Variants in CRYBG1 observed in about 807,000 individuals in gnomAD.
CRYBG1 encodes the protein crystallin beta-gamma domain containing 1, also known as beta/gamma crystallin domain-containing protein 1.
A neutral mutation model predicts 189.2 loss-of-function variants in CRYBG1; 139 were observed. The observed-to-expected ratio is 0.73, with a 90% CI of 0.64 to 0.85. The LOEUF (loss-of-function observed/expected upper bound fraction) is 0.85, where lower values mean the gene tolerates loss of function less well. Ranked by LOEUF, CRYBG1 falls within the 40% of genes least tolerant of loss-of-function variation. The pLI, the probability that CRYBG1 is intolerant of heterozygous loss-of-function variation, is 0.00. For synonymous variants in CRYBG1, 1,023 were observed against 1,017.1 expected (o/e 1.01, Z -0.11); for missense variants, 2,611 against 2,675.8 (o/e 0.98, Z 0.53).
intron 1 of CRYBG1, among the ~76,000 whole-genome samples, chr6:106,414,955 A>G (rs533587365): frequency 1.5e-3 from 236 of 152,350 alleles, no homozygotes; most frequent in African/African-American, 5.6e-3. Context: ...CTTCAGAACA[A>G]AAGAAATAAT....
chr6:106,452,836 G>A (rs1771811386), intron 2 of CRYBG1, among the ~76,000 whole-genome samples: 1 of 152,192 alleles, frequency 6.6e-6, no homozygotes, highest in Admixed American at 6.5e-5. Flanking sequence ...GGATGGGAAA[G>A]TAGAATGATA....
chr6:106,476,006 G>C (rs924244379), intron 2 of CRYBG1, among the ~76,000 whole-genome samples: 4 of 152,096 alleles, frequency 2.6e-5, no homozygotes, highest in Admixed American at 6.5e-5. Flanking sequence ...GTGTAAGTAG[G>C]ATAAAAAGTA....
At position 106,512,655 on chromosome 6, in the gene CRYBG1, C is replaced by T; in HGVS notation, c.1538C>T (p.Thr513Met). The T allele has an allele frequency of 6.3e-7, 1 of 1,582,084 alleles. No homozygotes were observed. The highest frequency in any genetic ancestry group is 1.3e-5 in the African/African-American group (1 of 74,556). The change falls in exon 3 of 22, where the codon ACG becomes ATG. Residue 513 changes from threonine (T) to methionine (M), a missense_variant. Transcript: ENST00000633556. The part of the protein sequence containing the change: ...SKQPPPASSP[T>M]KRKGRSRALE... ...CAGCCACCCCCGGCTTCGTCCCCCACGAAGAGGAAGGGCAGGAGCCGTGCC... is the reference window on the plus strand; with the variant it reads ...CAGCCACCCCCGGCTTCGTCCCCCATGAAGAGGAAGGGCAGGAGCCGTGCC...
intron 2 of CRYBG1, among the ~76,000 whole-genome samples, chr6:106,505,838 T>C (rs1420850190): frequency 1.3e-5 from 2 of 152,060 alleles, no homozygotes; most frequent in African/African-American, 4.8e-5. Context: ...TACAGTAATA[T>C]CCAGTTGACT....
chr6:106,526,276 T>C (rs1425651943), intron 6 of CRYBG1, among the ~76,000 whole-genome samples: 1 of 152,200 alleles, frequency 6.6e-6, no homozygotes, highest in African/African-American at 2.4e-5. Context: ...ATATCCAACA[T>C]AGTCATGAGA....
Position 106,571,795 on chromosome 6 carries a change from C to A in CRYBG1, c.*3229C>A. On this transcript the variant is annotated 3_prime_UTR_variant, in exon 22 of 22. Coordinates refer to ENST00000633556, the MANE Select transcript of CRYBG1 (RefSeq NM_001371242.2). ...AACAGCTTGAAAAAACTTCGAATTT[C>A]TACTGACTACAGACAAATCCAAGTG... 2.0e-6 allele frequency: 1 copy of A among 488,840 alleles called. No individual in the cohort carries two copies. 30.3% of individuals were successfully genotyped at this position (488,840 alleles called of 1,614,324 possible). A position where few individuals can be genotyped will look rare whatever the true frequency, so the allele number is the denominator to read the frequency against.
chr6:106,381,615 T>G (rs997356969), intron 1 of CRYBG1, among the ~76,000 whole-genome samples: 1 of 152,226 alleles, frequency 6.6e-6, no homozygotes, highest in African/African-American at 2.4e-5. Flanking sequence ...ATAATGCCAG[T>G]TTCCACTGTT....
intron 1 of CRYBG1, among the ~76,000 whole-genome samples, chr6:106,391,745 G>T (rs188698329): frequency 1.6e-4 from 25 of 152,262 alleles, no homozygotes; most frequent in South Asian, 1.2e-3. Context: ...CTAGGGGAAA[G>T]AAATACACAA....
At chr6:106,393,024 C>A (rs1050976308) in intron 1 of CRYBG1, among the ~76,000 whole-genome samples, 5 of 152,204 alleles carry the variant, frequency 3.3e-5, no homozygotes, top group African/African-American at 1.2e-4. Context: ...ATCCGCTCAC[C>A]TTGGCCTCTC....
At chr6:106,551,047 T>C (rs1282663457) in intron 13 of CRYBG1, among the ~76,000 whole-genome samples, 3 of 152,194 alleles carry the variant, frequency 2.0e-5, no homozygotes, top group African/African-American at 4.8e-5. Context: ...CATGGGTATA[T>C]TGCATGATTT....
Position 106,451,681 on chromosome 6 carries a change from C to T in CRYBG1, c.174-13C>T, listed in dbSNP as rs1275968779. 1.6e-5 allele frequency: 24 copies of T among 1,529,226 alleles called. No homozygotes were observed. Among genetic ancestry groups the T allele is most frequent in the African/African-American group, 2.7e-5 (2 of 72,794 alleles). The allele number at this position is 1,529,226 out of a possible 1,614,324, so 94.7% of individuals were successfully genotyped here. ...ATAGTGTATTGACATGACTGTGGTT[C>T]CGTTCTTTGCAGAGCTTTGGATGTA... is the stretch of plus-strand genomic sequence containing the variant. On this transcript the variant is annotated splice_polypyrimidine_tract_variant and intron_variant, in intron 1 of 21. Transcript: ENST00000633556.
At chr6:106,487,591 C>T (rs564808095) in intron 2 of CRYBG1, among the ~76,000 whole-genome samples, 5 of 152,234 alleles carry the variant, frequency 3.3e-5, no homozygotes, top group African/African-American at 4.8e-5. Context: ...ACAGAAGCCA[C>T]GTTTACTGTA....
intron 15 of CRYBG1, 194 bp downstream of exon 15, chr6:106,552,410 AC>A (rs1340165750): frequency 3.5e-6 from 1 of 286,956 alleles, no homozygotes; most frequent in African/African-American, 2.2e-5. Context: ...ACATGGGGAA[AC>A]CCCGTCTTTA....
chr6:106,566,419 G>A lies in CRYBG1; in HGVS notation c.6302-2053G>A, dbSNP rs1045079559. ...GCCTGCTGAGTAAGCATAATGTCCC[G>A]TATATTTGTGAAATCTCAGTATCTA... On this transcript the variant is annotated intron_variant, in intron 21 of 21. Transcript: ENST00000633556. Among the ~76,000 whole-genome samples the A allele has an allele frequency of 5.5e-5, 8 of 144,210 alleles. No homozygotes were observed. In the East Asian group the frequency reaches 6.2e-4, roughly 11 times the overall value. The allele number at this position is 144,210 out of a possible 152,430, so 94.6% of individuals were successfully genotyped here.
At chr6:106,415,488 G>T (rs1167439042) in intron 1 of CRYBG1, among the ~76,000 whole-genome samples, 1 of 151,978 alleles carries the variant, frequency 6.6e-6, no homozygotes, top group Non-Finnish European at 1.5e-5. Flanking sequence ...AATTTGAGAG[G>T]CCGAGGCAGG....
intron 16 of CRYBG1, among the ~76,000 whole-genome samples, chr6:106,555,396 C>T (rs1774511679): frequency 6.6e-6 from 1 of 151,854 alleles, no homozygotes; most frequent in Admixed American, 6.6e-5. Context: ...AATCAATAGG[C>T]CTTGGTGATT....
At chr6:106,419,961 C>T (rs1466593842) in intron 1 of CRYBG1, among the ~76,000 whole-genome samples, 1 of 152,204 alleles carries the variant, frequency 6.6e-6, no homozygotes, top group Non-Finnish European at 1.5e-5. Flanking sequence ...CAGCTTGGCT[C>T]TCTGATTTAC....
chr6:106,525,495 G>A (rs536401094), intron 6 of CRYBG1, 109 bp downstream of exon 6: 1 of 836,356 alleles, frequency 1.2e-6, no homozygotes, highest in African/African-American at 1.7e-5. Flanking sequence ...GCAATGAAAA[G>A]CACAGGAAAT....
chr6:106,361,903 G>A (rs1455838165), intron 1 of CRYBG1, among the ~76,000 whole-genome samples: 2 of 148,858 alleles, frequency 1.3e-5, no homozygotes, highest in African/African-American at 4.9e-5. Context: ...TACACCCTAT[G>A]AGGGCCAGAA....
Sources: allele counts gnomAD v4.1 joint callset (sites outside exome capture counted in the v4.1 genomes callset), GRCh38; gene constraint gnomAD v4.1.1; transcripts MANE v1.5; gene names NCBI Gene and HGNC (gene_info 2026-07-23, HGNC 2026-07-21).